HDAC9: variants seen among roughly 807,000 people sequenced by gnomAD.
HDAC9 encodes MEF-2 interacting transcription repressor (MITR) protein.
Under a neutral mutation model 139.4 loss-of-function variants are expected in HDAC9, and 41 were observed. That is an observed-to-expected ratio of 0.29 (90% CI 0.23 to 0.38). The LOEUF (loss-of-function observed/expected upper bound fraction) is 0.38, where lower values mean the gene tolerates loss of function less well. Among genes scored for constraint, HDAC9 ranks in the 10% least tolerant of loss-of-function variants. The pLI, the probability that HDAC9 is intolerant of heterozygous loss-of-function variation, is 1.00. For synonymous variants in HDAC9, 517 were observed against 476.2 expected (o/e 1.09, Z -1.12); for missense variants, 1,147 against 1,297.0 (o/e 0.88, Z 1.78).
At chr7:18,906,239 G>T (rs1354195951) in intron 22 of HDAC9, among the ~76,000 whole-genome samples, 1 of 151,744 alleles carries the variant, frequency 6.6e-6, no homozygotes, top group Non-Finnish European at 1.5e-5. Context: ...ACGCCTCCCA[G>T]GCTCAAGTGA....
At chr7:18,460,575 G>T (rs1016498615) in intron 1 of HDAC9, among the ~76,000 whole-genome samples, 1 of 151,742 alleles carries the variant, frequency 6.6e-6, no homozygotes, top group Non-Finnish European at 1.5e-5. Flanking sequence ...ACCTGAGGTT[G>T]GGAGTTGGAG....
chr7:18,789,619 A>G (rs1562943122), intron 16 of HDAC9, among the ~76,000 whole-genome samples: 1 of 152,130 alleles, frequency 6.6e-6, no homozygotes, highest in Non-Finnish European at 1.5e-5. Flanking sequence ...CTGTCCTTCA[A>G]CTTCCAAATG....
intron 13 of HDAC9, among the ~76,000 whole-genome samples, chr7:18,743,812 G>A (rs567497435): frequency 3.9e-5 from 6 of 151,946 alleles, no homozygotes; most frequent in African/African-American, 1.4e-4. Flanking sequence ...CTATGCATGA[G>A]ATTTGACGGT....
rs1318986857 is a variant in HDAC9, at chr7:18,825,135, G to A, written c.2323-4026G>A. The stretch of plus-strand genomic sequence containing the variant: ...TATCCAAGTGATATTGAGTACATGG[G>A]CTAATATATATTGGGCTGGTTCCCA... On this transcript the variant is annotated intron_variant, in intron 17 of 25. Coordinates refer to ENST00000686413, the MANE Select transcript of HDAC9 (RefSeq NM_178425.4). Among the ~76,000 whole-genome samples the A allele has an allele frequency of 3.3e-5, 5 of 152,174 alleles. No homozygotes were observed. In the East Asian group the frequency reaches 9.6e-4, roughly 29 times the overall value.
In HDAC9 at chr7:18,727,699, T is replaced by G. The variant is rs1298555210; in HGVS notation, c.1851T>G (p.Ala617=). 2 of 1,582,284 alleles carry G rather than the reference T, an allele frequency of 1.3e-6. No individual in the cohort carries two copies. Among genetic ancestry groups the G allele is most frequent in the African/African-American group, 1.4e-5 (1 of 72,668 alleles). ...TCTCCAGGACTCACTCTTCCCCTGC[T>G]GCCTCTGTTTTACCTCACCCAGCAA... ...RLVSRTHSSP[A]ASVLPHPAMD... Residue 617 remains alanine, a synonymous_variant, in exon 13 of 26, where the codon GCT becomes GCG. Transcript: ENST00000686413.
At chr7:18,981,631 C>T (rs767359552) in intron 25 of HDAC9, among the ~76,000 whole-genome samples, 1 of 152,164 alleles carries the variant, frequency 6.6e-6, no homozygotes, top group Non-Finnish European at 1.5e-5. Context: ...AACTTCACAT[C>T]TATCTGACCT....
chr7:18,374,844 G>C (rs898808148), intron 1 of HDAC9, among the ~76,000 whole-genome samples: 3 of 152,108 alleles, frequency 2.0e-5, no homozygotes. Flanking sequence ...GGTCCCATAA[G>C]ATTATAATGG....
chr7:18,206,341 T>C (rs1584628895), intron 2 of HDAC9, among the ~76,000 whole-genome samples: 2 of 152,238 alleles, frequency 1.3e-5, no homozygotes, highest in African/African-American at 4.8e-5. Flanking sequence ...TAAACCTGAC[T>C]ATTAAAATAT....
chr7:18,478,490 C>A (rs917979998), intron 1 of HDAC9, among the ~76,000 whole-genome samples: 3 of 152,130 alleles, frequency 2.0e-5, no homozygotes, highest in Non-Finnish European at 2.9e-5. Context: ...GTTTGAAAAT[C>A]AACTTTTATT....
At chr7:18,714,164 C>T (rs544547315) in intron 12 of HDAC9, among the ~76,000 whole-genome samples, 3 of 152,282 alleles carry the variant, frequency 2.0e-5, no homozygotes, top group Admixed American at 1.3e-4. Flanking sequence ...AGCTGGAGTA[C>T]AAACCAAGGA....
At chr7:18,228,289 G>A (rs35376774) in intron 2 of HDAC9, among the ~76,000 whole-genome samples, 34,259 of 136,456 alleles carry the variant, frequency 0.25, 3,948 homozygotes, top group African/African-American at 0.3. Flanking sequence ...CCCAGAAGTA[G>A]ATAACCTTTT....
At chr7:18,574,759 G>A (rs758839957) in intron 2 of HDAC9, among the ~76,000 whole-genome samples, 1 of 152,256 alleles carries the variant, frequency 6.6e-6, no homozygotes, top group Non-Finnish European at 1.5e-5. Context: ...ATACCCAGCC[G>A]GGTTGCGACA....
chr7:18,758,823 C>A (rs1789113058), intron 14 of HDAC9, among the ~76,000 whole-genome samples: 2 of 151,104 alleles, frequency 1.3e-5, no homozygotes, highest in African/African-American at 4.9e-5. Context: ...TTAGTTTTCA[C>A]TGCTCTCTTT....
intron 2 of HDAC9, among the ~76,000 whole-genome samples, chr7:18,540,499 G>T (rs1327154673): frequency 6.6e-6 from 1 of 152,136 alleles, no homozygotes; most frequent in East Asian, 1.9e-4. Flanking sequence ...GTTAAAAGAA[G>T]CCCTTATTCC....
At chr7:18,395,028 A>T (rs1786890375) in intron 1 of HDAC9, 1 of 152,186 alleles carries the variant, frequency 6.6e-6, no homozygotes, top group Non-Finnish European at 1.5e-5. Context: ...TGATTTACCA[A>T]AAAATTTCAG....
chr7:18,994,111 A>G (rs1443313893), intron 25 of HDAC9, among the ~76,000 whole-genome samples: 2 of 152,174 alleles, frequency 1.3e-5, no homozygotes, highest in African/African-American at 4.8e-5. Context: ...ATCCTCCACC[A>G]CAGAGACATG....
intron 1 of HDAC9, among the ~76,000 whole-genome samples, chr7:18,355,713 A>C (rs918321244): frequency 6.6e-6 from 1 of 152,136 alleles, no homozygotes; most frequent in Non-Finnish European, 1.5e-5. Flanking sequence ...TTTTCCCCAG[A>C]GTTTGGTTTG....
intron 1 of HDAC9, among the ~76,000 whole-genome samples, chr7:18,126,186 T>C (rs1396939294): frequency 6.9e-6 from 1 of 145,334 alleles, no homozygotes; most frequent in Non-Finnish European, 1.5e-5. Flanking sequence ...CTTTATGTAT[T>C]ATTATTATTT....
At chr7:18,229,555 A>G (rs1315010736) in intron 2 of HDAC9, among the ~76,000 whole-genome samples, 3 of 152,190 alleles carry the variant, frequency 2.0e-5, no homozygotes, top group African/African-American at 7.2e-5. Flanking sequence ...GCAGCTGCCA[A>G]GTTCTCTTTT....
Sources: allele counts gnomAD v4.1 joint callset (sites outside exome capture counted in the v4.1 genomes callset), GRCh38; gene constraint gnomAD v4.1.1; transcripts MANE v1.5; gene names NCBI Gene and HGNC (gene_info 2026-07-23, HGNC 2026-07-21).